CCDC88A: variants seen among roughly 807,000 people sequenced by gnomAD.
The protein encoded by CCDC88A is coiled-coil and HOOK domain protein 88A.
In CCDC88A, 54 loss-of-function variants were observed where a neutral mutation model predicts 234.3. The ratio of observed to expected loss-of-function variants is 0.23; its 90% CI spans 0.19 to 0.29. The LOEUF is 0.29. Ranked by LOEUF, CCDC88A falls within the 10% of genes least tolerant of loss-of-function variation. The pLI, the probability that CCDC88A is intolerant of heterozygous loss-of-function variation, is 1.00. For missense variants in CCDC88A, 1,832 were observed against 2,123.4 expected (o/e 0.86, Z 2.70); for synonymous variants, 753 against 737.8 (o/e 1.02, Z -0.33).
intron 3 of CCDC88A, among the ~76,000 whole-genome samples, chr2:55,382,974 T>C (rs992799338): frequency 6.6e-6 from 1 of 151,574 alleles, no homozygotes; most frequent in East Asian, 1.9e-4. Context: ...GTAGCACCAG[T>C]ACCAGGTAGA....
chr2:55,346,293 T>A lies in CCDC88A; in HGVS notation c.923A>T (p.Tyr308Phe), dbSNP rs770953772. The change falls in exon 10 of 33, where the codon TAC (tyrosine) becomes TTC (phenylalanine). Residue 308 changes from tyrosine to phenylalanine, a missense_variant. Tyr to Phe is a conservative substitution (Grantham distance 22). Around this residue, in one of 6 missense-constraint regions of CCDC88A, gnomAD observed 1,282 missense variants for 1,543.6 expected, o/e 0.83. Transcript: ENST00000436346. ...LLSDARSARMYRDELDALREK... is the reference protein window; with the variant it reads ...LLSDARSARMFRDELDALREK... ...TCGAAGTGCATCTAATTCATCTCGG[T>A]ACATTCTGGCAGAGCGAGCATCCGA... The A allele has an allele frequency of 7.5e-6, 12 of 1,608,524 alleles. No individual in the cohort carries two copies. In the East Asian group the frequency reaches 2.2e-4, roughly 30 times the overall value.
intron 2 of CCDC88A, among the ~76,000 whole-genome samples, chr2:55,412,003 C>T (rs1296532880): frequency 1.3e-5 from 2 of 152,014 alleles, no homozygotes; most frequent in South Asian, 4.2e-4. Flanking sequence ...AAAGGAGAAA[C>T]AGAAGACAAA....
At chr2:55,360,702 T>C (rs1378313810) in intron 7 of CCDC88A, among the ~76,000 whole-genome samples, 1 of 152,250 alleles carries the variant, frequency 6.6e-6, no homozygotes, top group East Asian at 1.9e-4. Flanking sequence ...GTTCACCCCA[T>C]ATTAATCAAT....
intron 26 of CCDC88A, among the ~76,000 whole-genome samples, chr2:55,302,497 G>C (rs537974664): frequency 3.3e-4 from 50 of 152,164 alleles, no homozygotes; most frequent in African/African-American, 1.1e-3. Flanking sequence ...GGTTACTGAA[G>C]AAATTATTCA....
intron 8 of CCDC88A, 145 bp from the exon 9 acceptor site, chr2:55,349,744 AAGAT>A (rs1336834045): frequency 9.5e-6 from 5 of 527,046 alleles, no homozygotes; most frequent in South Asian, 6.9e-5. Context: ...TAAAAAAAAA[AAGAT>A]AGATATTAGG....
At chr2:55,363,880 T>C (rs562527225) in intron 6 of CCDC88A, 70 bp downstream of exon 6, 243 of 770,480 alleles carry the variant, frequency 3.2e-4, no homozygotes, top group Non-Finnish European at 4.7e-4. Context: ...TTGAAGTATT[T>C]TAGGAGATAG....
chr2:55,353,165 G>A (rs1046042187), intron 8 of CCDC88A, among the ~76,000 whole-genome samples: 1 of 152,104 alleles, frequency 6.6e-6, no homozygotes, highest in African/African-American at 2.4e-5. Flanking sequence ...TCCTCAAGTT[G>A]TTTGGAATTT....
At chr2:55,345,245 C>T (rs1414016719) in intron 10 of CCDC88A, 2 of 152,060 alleles carry the variant, frequency 1.3e-5, no homozygotes, top group African/African-American at 4.8e-5. Flanking sequence ...TTACTGGTAA[C>T]CTTTAAGCTA....
chr2:55,383,541 T>C (rs375692366), intron 3 of CCDC88A, among the ~76,000 whole-genome samples: 142 of 151,714 alleles, frequency 9.4e-4, no homozygotes, highest in African/African-American at 3.2e-3. Context: ...GAGAATCGCT[T>C]GAACCCGGGA....
rs777375521 is a variant in CCDC88A, at chr2:55,334,937, T to C, written c.1884A>G (p.Glu628=). 1 of 1,546,228 alleles carries C rather than the reference T, an allele frequency of 6.5e-7. No homozygotes were observed. The highest frequency in any genetic ancestry group is 1.2e-5 in the South Asian group (1 of 83,374). ...EHYKEKGERA[E]ELENELHHLE... is the part of the protein sequence containing the mutation. ...GATGATGCAATTCATTTTCAAGTTC[T>C]TCAGCTCGTTCTCCTTTTTCTTTAT... Residue 628 remains glutamate, a synonymous_variant, in exon 15 of 33, where the codon GAA becomes GAG. Transcript: ENST00000436346. This position sits in a 1 kb window ranked among gnomAD's most constrained non-coding sequence, Gnocchi z 6.1.
intron 25 of CCDC88A, among the ~76,000 whole-genome samples, chr2:55,305,528 G>A (rs1355995266): frequency 6.6e-6 from 1 of 152,092 alleles, no homozygotes; most frequent in Non-Finnish European, 1.5e-5. Flanking sequence ...TGCCTCTCTT[G>A]TGTATGCTTA....
At chr2:55,294,270 G>C in intron 31 of CCDC88A, 3 of 965,610 alleles carry the variant, frequency 3.1e-6, no homozygotes, top group Non-Finnish European at 3.7e-6. Flanking sequence ...CCATCTTGAA[G>C]AAAAGACAGT....
At chr2:55,353,725 C>T (rs1368884648) in intron 8 of CCDC88A, among the ~76,000 whole-genome samples, 2 of 151,110 alleles carry the variant, frequency 1.3e-5, no homozygotes, top group Non-Finnish European at 2.9e-5. Context: ...AAACAAATCT[C>T]CAGCAGAGAC....
chr2:55,401,613 T>C (rs1194258800), intron 2 of CCDC88A, among the ~76,000 whole-genome samples: 1 of 149,836 alleles, frequency 6.7e-6, no homozygotes, highest in Non-Finnish European at 1.5e-5. Flanking sequence ...ATAAATCTAA[T>C]ATTAATATAA....
intron 2 of CCDC88A, among the ~76,000 whole-genome samples, chr2:55,402,904 G>A (rs1341628017): frequency 1.3e-5 from 2 of 151,940 alleles, no homozygotes; most frequent in Non-Finnish European, 1.5e-5. Flanking sequence ...AGTTACTAGG[G>A]AGGCTGAGGC....
rs549038346 is a variant in CCDC88A at position 55,415,455 on chromosome 2, T to C, written c.164+3361A>G. ...GACATCAGGCAACAAAAGACAGTGA[T>C]CCCCAATCGATGGGAAACAAGCATG... On this transcript the variant is annotated intron_variant, in intron 2 of 32. Coordinates refer to ENST00000436346, the MANE Select transcript of CCDC88A (RefSeq NM_001365480.1). Among the ~76,000 whole-genome samples the C allele has an allele frequency of 2.0e-5, 3 of 152,218 alleles. No individual in the cohort carries two copies. The East Asian group carries it at 5.8e-4, about 29-fold the overall frequency.
At chr2:55,346,768 A>G (rs1430634073) in intron 9 of CCDC88A, among the ~76,000 whole-genome samples, 1 of 152,138 alleles carries the variant, frequency 6.6e-6, no homozygotes, top group Non-Finnish European at 1.5e-5. Flanking sequence ...AAAATGGTGA[A>G]TTTTATGGTA....
At chr2:55,355,018 T>A (rs748362392) in intron 8 of CCDC88A, among the ~76,000 whole-genome samples, 8 of 150,718 alleles carry the variant, frequency 5.3e-5, no homozygotes, top group Non-Finnish European at 1.2e-4. Flanking sequence ...CATTGTAATG[T>A]TACAGGACCA....
rs577435512 is a variant in CCDC88A, at chr2:55,334,944, C to T, written c.1877G>A (p.Arg626Gln). The T allele has an allele frequency of 1.4e-5, 22 of 1,553,964 alleles. No homozygotes were observed. The highest frequency in any genetic ancestry group is 5.5e-5 in the African/African-American group (4 of 72,640). Reference sequence around the variant, plus strand: ...CAATTCATTTTCAAGTTCTTCAGCTCGTTCTCCTTTTTCTTTATAATGTTC... The same window carrying T: ...CAATTCATTTTCAAGTTCTTCAGCTTGTTCTCCTTTTTCTTTATAATGTTC... ...ELEHYKEKGE[R>Q]AEELENELHH... The change falls in exon 15 of 33, where the codon CGA becomes CAA. Residue 626 changes from arginine to glutamine, a missense_variant. Around this residue, in one of 6 missense-constraint regions of CCDC88A, gnomAD observed 1,282 missense variants for 1,543.6 expected, o/e 0.83. Transcript: ENST00000436346. The surrounding 1 kb of genome is among the most constrained non-coding windows in gnomAD (Gnocchi z 6.1).
Sources: gnomAD v4.1 joint callset for allele counts (sites outside exome capture counted in the v4.1 genomes callset) on GRCh38, gnomAD v4.1.1 for gene constraint, gnomAD v4.1.1 regional missense constraint, Gnocchi (gnomAD v3.1) non-coding constraint, MANE v1.5 for transcripts, NCBI Gene and HGNC (gene_info 2026-07-23, HGNC 2026-07-21) for gene names.